Variants in METAP2 observed in about 807,000 individuals in gnomAD.
The protein encoded by METAP2 is methionine aminopeptidase 2.
Under a neutral mutation model 59.4 loss-of-function variants are expected in METAP2, and 25 were observed. The observed-to-expected ratio is 0.42, with a 90% CI of 0.31 to 0.59. METAP2 has a LOEUF of 0.59. Ranked by LOEUF, METAP2 falls within the 20% of genes least tolerant of loss-of-function variation. The probability of loss-of-function intolerance (pLI) is 0.16; values close to 1 mark genes in which losing one functional copy is unlikely to be tolerated. For synonymous variants in METAP2, 214 were observed against 194.1 expected (o/e 1.10, Z -0.85); for missense variants, 366 against 581.2 (o/e 0.63, Z 3.81).
chr12:95,513,131 AC>A (rs1445667935), intron 10 of METAP2, among the ~76,000 whole-genome samples: 1 of 148,590 alleles, frequency 6.7e-6, no homozygotes, highest in Non-Finnish European at 1.5e-5. Flanking sequence ...ACACACACAC[AC>A]AAGTGCTCTC....
At chr12:95,512,340 G>A (rs2076409222) in intron 9 of METAP2, among the ~76,000 whole-genome samples, 1 of 152,146 alleles carries the variant, frequency 6.6e-6, no homozygotes, top group African/African-American at 2.4e-5. Flanking sequence ...AGGAGATAAA[G>A]CAGGGCAAGG....
At chr12:95,494,317 TC>T (rs1260873119) in intron 5 of METAP2, 100 bp downstream of exon 5, 77 of 1,134,048 alleles carry the variant, frequency 6.8e-5, no homozygotes, top group Non-Finnish European at 4.4e-5. Context: ...CTTTGCTAAA[TC>T]TTTAAGTAAA....
intron 3 of METAP2, chr12:95,485,676 G>A: frequency 2.2e-6 from 1 of 455,696 alleles, no homozygotes; most frequent in Non-Finnish European, 3.8e-6. Flanking sequence ...GTTCTGAGGA[G>A]TTAAAAATTT....
chr12:95,512,574 T>C (rs1249619263), intron 9 of METAP2, among the ~76,000 whole-genome samples: 1 of 152,080 alleles, frequency 6.6e-6, no homozygotes, highest in Non-Finnish European at 1.5e-5. Flanking sequence ...TAGCCAGGCA[T>C]GGTGGCACGT....
At chr12:95,501,995 A>AT (rs113290129) in intron 7 of METAP2, among the ~76,000 whole-genome samples, 7,467 of 131,146 alleles carry the variant, frequency 0.057, 255 homozygotes, top group Non-Finnish European at 0.075. Context: ...TTTTAATATA[A>AT]TTTTTTTTTT....
intron 4 of METAP2, among the ~76,000 whole-genome samples, chr12:95,486,827 A>G (rs1324679770): frequency 6.6e-6 from 1 of 152,210 alleles, no homozygotes; most frequent in East Asian, 1.9e-4. Context: ...CATAATTACC[A>G]TAACAAGTAC....
At chr12:95,490,941 T>C (rs189453152) in intron 4 of METAP2, among the ~76,000 whole-genome samples, 11 of 152,300 alleles carry the variant, frequency 7.2e-5, no homozygotes, top group Non-Finnish European at 1.2e-4. Flanking sequence ...TAGATTTAGG[T>C]TAAACATTTT....
chr12:95,509,845 A>ACCCCCC (rs1491185984), intron 8 of METAP2, among the ~76,000 whole-genome samples: 19 of 101,628 alleles, frequency 1.9e-4, no homozygotes, highest in Admixed American at 2.6e-4. Flanking sequence ...CTCCCCCCCA[A>ACCCCCC]CCTTTTTTTT....
At chr12:95,512,036 AT>A in intron 9 of METAP2, 38 bp downstream of exon 9, 4 of 1,462,552 alleles carry the variant, frequency 2.7e-6, no homozygotes, top group Non-Finnish European at 2.9e-6. Context: ...CATGGAAGAC[AT>A]TTTTTTCTTC....
At chr12:95,506,296 C>CT (rs59794359) in intron 8 of METAP2, among the ~76,000 whole-genome samples, 9,181 of 119,704 alleles carry the variant, frequency 0.077, 743 homozygotes, top group Non-Finnish European at 0.12. Context: ...AATATATATG[C>CT]TTTTTTTTTT....
intron 2 of METAP2, chr12:95,482,099 A>G: frequency 2.3e-6 from 1 of 440,292 alleles, no homozygotes; most frequent in Non-Finnish European, 4.5e-6. Context: ...AGTCAGCAAT[A>G]TTTGTGTTTT....
chr12:95,501,359 A>C (rs2076314096), intron 7 of METAP2, among the ~76,000 whole-genome samples: 1 of 152,178 alleles, frequency 6.6e-6, no homozygotes, highest in Non-Finnish European at 1.5e-5. Context: ...TAGTCTCTTG[A>C]ATTATGTAAA....
chr12:95,474,194 G>C lies in METAP2; in HGVS notation c.15G>C (p.Glu5Asp), dbSNP rs764992229. 2 of 1,614,068 alleles carry C rather than the reference G, an allele frequency of 1.2e-6. No homozygotes were observed. Among genetic ancestry groups the C allele is most frequent in the Admixed American group, 1.7e-5 (1 of 60,016 alleles). ...TCTCGGGCAACATGGCGGGTGTGGA[G>C]GAGGTAGCGGCCTCCGGGAGCCACC... MAGV[E>D]EVAASGSHLN... The change falls in exon 1 of 11, where the codon GAG (glutamate) becomes GAC (aspartate). Residue 5 changes from glutamate to aspartate, a missense_variant. By Grantham distance (45) the Glu-to-Asp change is conservative. Transcript: ENST00000323666.
chr12:95,501,819 CTTT>C (rs547631132), intron 7 of METAP2, among the ~76,000 whole-genome samples: 3 of 144,598 alleles, frequency 2.1e-5, no homozygotes, highest in Admixed American at 6.9e-5. Flanking sequence ...TACAATTGGC[CTTT>C]TTTTTTTTAC....
intron 8 of METAP2, among the ~76,000 whole-genome samples, chr12:95,504,531 C>G (rs2076343109): frequency 6.6e-6 from 1 of 152,134 alleles, no homozygotes; most frequent in Admixed American, 6.5e-5. Flanking sequence ...GGGTCTCGTT[C>G]CGTCATCCAG....
chr12:95,491,706 C>A (rs1369713127), intron 4 of METAP2, among the ~76,000 whole-genome samples: 2 of 151,908 alleles, frequency 1.3e-5, no homozygotes, highest in African/African-American at 2.4e-5. Context: ...GAAACAGGGT[C>A]TTTCTATGTT....
rs2076435800 is a variant in METAP2, at chr12:95,514,957, A to T, written c.*1053A>T. 6.6e-6 allele frequency: 1 copy of T among 152,612 alleles called. No individual in the cohort carries two copies. Among genetic ancestry groups the T allele is most frequent in the African/African-American group, 2.4e-5 (1 of 41,464 alleles). The allele number at this position is 152,612 out of a possible 1,614,324, so 9.5% of individuals were successfully genotyped here. On this transcript the variant is annotated 3_prime_UTR_variant, in exon 11 of 11. Coordinates refer to ENST00000323666, the MANE Select transcript of METAP2 (RefSeq NM_006838.4). ...TACTTTCCTTATAGCGGCTAAGTGT[A>T]TTAAGTTGAATGTAACGATGGTAAT...
chr12:95,508,034 G>A (rs189900659), intron 8 of METAP2, among the ~76,000 whole-genome samples: 3 of 150,500 alleles, frequency 2.0e-5, no homozygotes, highest in East Asian at 3.9e-4. Context: ...TGCCTGCCTC[G>A]GCCTCCCAAA....
At chr12:95,481,205 C>A (rs1000727875) in intron 2 of METAP2, among the ~76,000 whole-genome samples, 1 of 152,060 alleles carries the variant, frequency 6.6e-6, no homozygotes, top group Non-Finnish European at 1.5e-5. Context: ...GGCTGAGATG[C>A]GATTCGAGAC....
Sources: gnomAD v4.1 joint callset for allele counts (sites outside exome capture counted in the v4.1 genomes callset) on GRCh38, gnomAD v4.1.1 for gene constraint, MANE v1.5 for transcripts, NCBI Gene and HGNC (gene_info 2026-07-23, HGNC 2026-07-21) for gene names.